Variants in FOXK2 observed in about 807,000 individuals in gnomAD.
The protein encoded by FOXK2 is forkhead box protein K2.
Under a neutral mutation model 53.3 loss-of-function variants are expected in FOXK2, and 24 were observed. That is an observed-to-expected ratio of 0.45 (90% CI 0.33 to 0.63). The LOEUF is 0.63. Ranked by LOEUF, FOXK2 falls within the 30% of genes least tolerant of loss-of-function variation. FOXK2 has a pLI of 0.03. For synonymous variants in FOXK2, 505 were observed against 407.1 expected (o/e 1.24, Z -2.89); for missense variants, 952 against 910.5 (o/e 1.05, Z -0.59).
chr17:82,575,709 C>G (rs111836762), intron 4 of FOXK2, among the ~76,000 whole-genome samples: 1 of 152,064 alleles, frequency 6.6e-6, no homozygotes, highest in African/African-American at 2.4e-5. Context: ...TTGCTACAGC[C>G]GAGACAAGCT....
Position 82,568,060 on chromosome 17 carries a change from A to G in FOXK2, c.621A>G (p.Ala207=). The G allele has an allele frequency of 6.2e-7, 1 of 1,605,504 alleles. No individual in the cohort carries two copies. The highest frequency in any genetic ancestry group is 1.8e-5 in the Admixed American group (1 of 56,304). Residue 207 remains alanine (A), a synonymous_variant, in exon 3 of 9, where the codon GCA becomes GCG. Coordinates refer to ENST00000335255, the MANE Select transcript of FOXK2 (RefSeq NM_004514.4). ...AACTTTTTCTCTTCCACAGCGCTGC[A>G]AACTCCTGCCCCTCCAGCCCCCGGG... ...LPSPTGTISA[A]NSCPSSPRGA... is the part of the protein sequence containing the mutation.
At chr17:82,582,328 C>T (rs921049562) in intron 4 of FOXK2, among the ~76,000 whole-genome samples, 5 of 152,198 alleles carry the variant, frequency 3.3e-5, no homozygotes, top group African/African-American at 1.2e-4. Context: ...GCTCTCCACC[C>T]TGCCTCCCGG....
At chr17:82,581,136 G>A (rs542754338) in intron 4 of FOXK2, among the ~76,000 whole-genome samples, 4 of 152,220 alleles carry the variant, frequency 2.6e-5, no homozygotes, top group Non-Finnish European at 5.9e-5. Flanking sequence ...GATAGCTCCA[G>A]ATTTTGTTTT....
chr17:82,554,268 C>T (rs983279915), intron 1 of FOXK2, among the ~76,000 whole-genome samples: 1 of 152,296 alleles, frequency 6.6e-6, no homozygotes, highest in Non-Finnish European at 1.5e-5. Flanking sequence ...TGATTCATTT[C>T]TGTGGGGCTG....
At chr17:82,537,822 T>C (rs1389397582) in intron 1 of FOXK2, among the ~76,000 whole-genome samples, 6 of 149,844 alleles carry the variant, frequency 4.0e-5, no homozygotes, top group African/African-American at 9.9e-5. Context: ...CTCTGGAAGC[T>C]GAGGCAGGAG....
In FOXK2 at chr17:82,520,030, C is replaced by T; in HGVS notation, c.142C>T (p.Leu48=). 1 of 1,501,522 alleles carries T rather than the reference C, an allele frequency of 6.7e-7. No individual in the cohort carries two copies. The highest frequency in any genetic ancestry group is 8.9e-7 in the Non-Finnish European group (1 of 1,124,460). The allele number at this position is 1,501,522 out of a possible 1,614,324, so 93.0% of individuals were successfully genotyped here. A position where few individuals can be genotyped will look rare whatever the true frequency, so the allele number is the denominator to read the frequency against. Residue 48 remains leucine (L), a synonymous_variant, in exon 1 of 9, where the codon CTG becomes TTG. Coordinates refer to ENST00000335255, the MANE Select transcript of FOXK2 (RefSeq NM_004514.4). ...ARLEGREFEY[L]MKKRSVTIGR... is the part of the protein sequence containing the mutation. Reference sequence around the variant, plus strand: ...CCTGGAGGGCCGCGAGTTCGAGTATCTGATGAAGAAGCGCTCGGTGACCAT... The same window carrying T: ...CCTGGAGGGCCGCGAGTTCGAGTATTTGATGAAGAAGCGCTCGGTGACCAT...
At chr17:82,559,882 A>G (rs1286584338) in intron 1 of FOXK2, among the ~76,000 whole-genome samples, 1 of 151,962 alleles carries the variant, frequency 6.6e-6, no homozygotes, top group Non-Finnish European at 1.5e-5. Flanking sequence ...GACTTGAGAG[A>G]TTAAGTGCCG....
intron 1 of FOXK2, among the ~76,000 whole-genome samples, chr17:82,556,417 C>T (rs1233287245): frequency 6.6e-6 from 1 of 151,200 alleles, no homozygotes. Flanking sequence ...GCACTCCAGT[C>T]TGGGCAATAG....
chr17:82,526,216 A>C (rs1021103415), intron 1 of FOXK2, among the ~76,000 whole-genome samples: 1 of 152,172 alleles, frequency 6.6e-6, no homozygotes, highest in East Asian at 1.9e-4. Context: ...ATTCTGTCCT[A>C]CTCAGAATGC....
At chr17:82,559,305 C>T (rs1211494021) in intron 1 of FOXK2, 1 of 448,598 alleles carries the variant, frequency 2.2e-6, no homozygotes, top group East Asian at 7.0e-5. Context: ...CTGTTCTTCC[C>T]ATCTCTGCTA....
intron 5 of FOXK2, among the ~76,000 whole-genome samples, chr17:82,583,423 T>G (rs1598227553): frequency 6.6e-6 from 1 of 152,206 alleles, no homozygotes; most frequent in Non-Finnish European, 1.5e-5. Flanking sequence ...GGCGCGCGCC[T>G]GTAATCCCAG....
rs2045392707 is a variant in FOXK2 at position 82,602,039 on chromosome 17, AAC to A, written c.*542_*543del. 6.5e-6 allele frequency: 1 copy of A among 152,722 alleles called. No homozygotes were observed. Among genetic ancestry groups the A allele is most frequent in the African/African-American group, 2.4e-5 (1 of 41,476 alleles). 9.5% of individuals were successfully genotyped at this position (152,722 alleles called of 1,614,324 possible). On this transcript the variant is annotated 3_prime_UTR_variant, in exon 9 of 9. Coordinates refer to ENST00000335255, the MANE Select transcript of FOXK2 (RefSeq NM_004514.4). Reference sequence around the variant, plus strand: ...CCGTGGATTTCATTTGGGGCAAAGAAACAACGTAGTTTTGTTTTTGTTTTCAG... The same window carrying A: ...CCGTGGATTTCATTTGGGGCAAAGAAAACGTAGTTTTGTTTTTGTTTTCAG...
intron 1 of FOXK2, among the ~76,000 whole-genome samples, chr17:82,558,125 G>A (rs2044751771): frequency 1.3e-5 from 2 of 152,232 alleles, no homozygotes; most frequent in Admixed American, 1.3e-4. Flanking sequence ...TTGAGCCCAG[G>A]AGTTTGTGAC....
At chr17:82,589,315 A>G (rs1213350499) in intron 8 of FOXK2, among the ~76,000 whole-genome samples, 1 of 152,192 alleles carries the variant, frequency 6.6e-6, no homozygotes, top group Non-Finnish European at 1.5e-5. Context: ...TCCATCTCAC[A>G]TTCCCTAACA....
At chr17:82,525,344 CTTT>C (rs571857735) in intron 1 of FOXK2, among the ~76,000 whole-genome samples, 2 of 151,836 alleles carry the variant, frequency 1.3e-5, no homozygotes, top group East Asian at 3.9e-4. Context: ...GCCTGGCTAA[CTTT>C]TTTTGCATTT....
chr17:82,522,853 G>C (rs905833211), intron 1 of FOXK2, among the ~76,000 whole-genome samples: 2 of 152,164 alleles, frequency 1.3e-5, no homozygotes, highest in African/African-American at 2.4e-5. Flanking sequence ...GGAGTACAAT[G>C]GCGTGATCTT....
At chr17:82,579,110 G>A (rs1020852864) in intron 4 of FOXK2, among the ~76,000 whole-genome samples, 2 of 152,198 alleles carry the variant, frequency 1.3e-5, no homozygotes, top group Non-Finnish European at 2.9e-5. Context: ...GAGAGGGGAA[G>A]TCGTCCTTCT....
chr17:82,569,723 G>A (rs559142100), intron 3 of FOXK2, among the ~76,000 whole-genome samples: 45 of 152,312 alleles, frequency 3.0e-4, no homozygotes, highest in South Asian at 4.1e-4. Context: ...AGGAAGAGAC[G>A]TAGCGGGCAG....
intron 1 of FOXK2, among the ~76,000 whole-genome samples, chr17:82,538,981 C>T (rs1020095480): frequency 7.2e-5 from 11 of 152,182 alleles, no homozygotes; most frequent in African/African-American, 2.2e-4. Context: ...AAGAAAAACA[C>T]GTTTGGAATG....
Sources: gnomAD v4.1 joint callset for allele counts (sites outside exome capture counted in the v4.1 genomes callset) on GRCh38, gnomAD v4.1.1 for gene constraint, MANE v1.5 for transcripts, NCBI Gene and HGNC (gene_info 2026-07-23, HGNC 2026-07-21) for gene names.